DNAH17: variants seen among roughly 807,000 people sequenced by gnomAD.
DNAH17 encodes the protein axonemal beta dynein heavy chain 17.
A neutral mutation model predicts 485.6 loss-of-function variants in DNAH17; 376 were observed. The ratio of observed to expected loss-of-function variants is 0.77; its 90% CI spans 0.71 to 0.84. The LOEUF is 0.84. Ranked by LOEUF, DNAH17 falls within the 40% of genes least tolerant of loss-of-function variation. The pLI, the probability that DNAH17 is intolerant of heterozygous loss-of-function variation, is 0.00. For missense variants in DNAH17, 6,370 were observed against 5,839.3 expected (o/e 1.09, Z -2.96); for synonymous variants, 3,031 against 2,405.9 (o/e 1.26, Z -7.60).
chr17:78,532,765 G>A (rs2143329022), intron 19 of DNAH17, 29 bp from the exon 20 acceptor site: 2 of 1,559,124 alleles, frequency 1.3e-6, no homozygotes, highest in Admixed American at 1.9e-5. Context: ...AAGCAAAAAG[G>A]GGAGGTATGT....
At position 78,450,324 on chromosome 17, in the gene DNAH17, C is replaced by G; in HGVS notation, c.10970G>C (p.Arg3657Thr). Residue 3657 changes from arginine to threonine, a missense_variant, in exon 68 of 81, where the codon AGG (arginine) becomes ACG (threonine). By Grantham distance (71) the Arg-to-Thr change is moderately conservative. Transcript: ENST00000389840. ...ARENYRPAAE[R>T]ASLLYFILND... ...CAGTATGAAGTAGAGCAGAGATGCC[C>G]TCTCCGCAGCCGGGCGGTAGTTCTC... 1 of 1,613,980 alleles carries G rather than the reference C, an allele frequency of 6.2e-7. No individual in the cohort carries two copies. Among genetic ancestry groups the G allele is most frequent in the Non-Finnish European group, 8.5e-7 (1 of 1,179,840 alleles).
At chr17:78,468,510 C>A in intron 55 of DNAH17, 107 bp downstream of exon 55, 4 of 1,380,840 alleles carry the variant, frequency 2.9e-6, no homozygotes, top group Non-Finnish European at 3.9e-6. Context: ...ATTTCACATC[C>A]CATGAAGGAT....
Position 78,502,637 on chromosome 17 carries a change from A to T in DNAH17, c.5144T>A (p.Leu1715Gln), listed in dbSNP as rs773685159. 6.2e-7 allele frequency: 1 copy of T among 1,613,012 alleles called. No individual in the cohort carries two copies. Among genetic ancestry groups the T allele is most frequent in the East Asian group, 2.2e-5 (1 of 44,888 alleles). ...TTEVGLAFAR[L>Q]EEGYENAIRD... Reference sequence around the variant, plus strand: ...GATAGCGTTTTCATAGCCTTCCTCCAGCCTGGCAAATGCCAGGCCCACCTC... The same window carrying T: ...GATAGCGTTTTCATAGCCTTCCTCCTGCCTGGCAAATGCCAGGCCCACCTC... Residue 1715 changes from leucine to glutamine, a missense_variant, in exon 33 of 81, where the codon CTG (leucine) becomes CAG (glutamine). Physicochemically the swap from Leu to Gln is moderately radical, Grantham distance 113. Transcript: ENST00000389840.
chr17:78,453,022 T>G (rs972307440), intron 65 of DNAH17, among the ~76,000 whole-genome samples: 1 of 152,228 alleles, frequency 6.6e-6, no homozygotes. Context: ...GTTATGTGAA[T>G]TTTTAAAGGT....
At chr17:78,545,920 G>A (rs892881096) in intron 16 of DNAH17, among the ~76,000 whole-genome samples, 2 of 151,828 alleles carry the variant, frequency 1.3e-5, no homozygotes, top group African/African-American at 4.8e-5. Context: ...TATTTTATGT[G>A]TATGTATGTA....
rs772538648 is a variant in DNAH17, at chr17:78,537,192, A to AAAG, written c.2859+106_2859+107insCTT. On this transcript the variant is annotated intron_variant, in intron 19 of 80. Transcript: ENST00000389840. ...GATTCCGTCTCAAAAAAAAAAAAAGAAAAAAAGAAAAGGTAAACGGCGAAG... is the reference window on the plus strand; with the variant it reads ...GATTCCGTCTCAAAAAAAAAAAAAGAAAGAAAAAAGAAAAGGTAAACGGCGAAG... 1.0e-4 allele frequency: 129 copies of AAAG among 1,228,592 alleles called. 2 individuals carry two copies. In the South Asian group the frequency reaches 1.9e-3, roughly 18 times the overall value. 76.1% of individuals were successfully genotyped at this position (1,228,592 alleles called of 1,614,324 possible).
At chr17:78,438,792 C>T (rs2086956361) in intron 73 of DNAH17, among the ~76,000 whole-genome samples, 1 of 152,090 alleles carries the variant, frequency 6.6e-6, no homozygotes, top group African/African-American at 2.4e-5. Context: ...AGCCACCGTG[C>T]CCAACCATCT....
rs775984053 is a variant in DNAH17, at chr17:78,507,512, G to A, written c.4530C>T (p.Arg1510=). ...GCTGGGAGTCCCCCGGGAGCTGGGT[G>A]CGGATGTCTTCGGAGCCGATGAAGA... is the stretch of plus-strand genomic sequence containing the variant. ...ESIFIGSEDI[R]TQLPGDSQRF... The change falls in exon 28 of 81, where the codon CGC becomes CGT. Residue 1510 remains arginine, a synonymous_variant. Coordinates refer to ENST00000389840, the MANE Select transcript of DNAH17 (RefSeq NM_173628.4). 49 of 1,613,796 alleles carry A rather than the reference G, an allele frequency of 3.0e-5. No homozygotes were observed. The highest frequency in any genetic ancestry group is 1.7e-4 in the Middle Eastern group (1 of 6,060).
intron 64 of DNAH17, among the ~76,000 whole-genome samples, 200 bp downstream of exon 64, chr17:78,454,270 C>T (rs901729416): frequency 6.6e-6 from 1 of 152,226 alleles, no homozygotes; most frequent in African/African-American, 2.4e-5. Flanking sequence ...GCAGGAGCAG[C>T]AGGTGATGGG....
chr17:78,463,427 TAC>T (rs2088247255), intron 56 of DNAH17, among the ~76,000 whole-genome samples: 1 of 149,650 alleles, frequency 6.7e-6, no homozygotes, highest in African/African-American at 2.5e-5. Context: ...CCTGCATATA[TAC>T]ACGTGCATAC....
chr17:78,487,571 C>G (rs1388508422), intron 44 of DNAH17, among the ~76,000 whole-genome samples: 1 of 152,164 alleles, frequency 6.6e-6, no homozygotes, highest in Non-Finnish European at 1.5e-5. Flanking sequence ...GAGTCTTGCT[C>G]TGTAGTGCAG....
intron 16 of DNAH17, among the ~76,000 whole-genome samples, chr17:78,547,074 C>G (rs977193336): frequency 3.9e-5 from 6 of 152,212 alleles, no homozygotes; most frequent in African/African-American, 1.4e-4. Context: ...ACAAGTATTG[C>G]TTTTGACTTT....
chr17:78,482,504 A>C (rs2089397484), intron 48 of DNAH17, among the ~76,000 whole-genome samples: 1 of 152,040 alleles, frequency 6.6e-6, no homozygotes, highest in South Asian at 2.1e-4. Context: ...CACTGAGCAA[A>C]ATTCCTTAAC....
intron 14 of DNAH17, among the ~76,000 whole-genome samples, chr17:78,553,275 G>GTTT (rs2091943329): frequency 1.0e-5 from 1 of 98,404 alleles, no homozygotes; most frequent in Non-Finnish European, 2.1e-5. Flanking sequence ...CCAGTCCCAG[G>GTTT]TTTTTGTGTT....
chr17:78,558,516 ACATCACCCTCATGGGTGGATG>A (rs1207164468), intron 13 of DNAH17, among the ~76,000 whole-genome samples: 1 of 151,132 alleles, frequency 6.6e-6, no homozygotes, highest in African/African-American at 2.5e-5. Context: ...TGGGTGGATG[ACATCACCCTCATGGGTGGATG>A]ACATCATCAT....
intron 62 of DNAH17, 42 bp downstream of exon 62, chr17:78,458,523 G>C: frequency 6.5e-7 from 1 of 1,539,390 alleles, no homozygotes; most frequent in Non-Finnish European, 9.0e-7. Context: ...CCCTTTCAGG[G>C]GGTCTGAGAG....
At position 78,428,628 on chromosome 17, in the gene DNAH17, C is replaced by T. The variant is rs1431000614; in HGVS notation, c.12485G>A (p.Gly4162Asp). 6.2e-7 allele frequency: 1 copy of T among 1,613,984 alleles called. No individual in the cohort carries two copies. Among genetic ancestry groups the T allele is most frequent in the East Asian group, 2.2e-5 (1 of 44,876 alleles). ...CTTCTCTGAGGTGACCGTCAGAAAG[C>T]CAATCTCTGCGTTGGGGTGCAGGCC... The part of the protein sequence containing the change: ...LYGLHPNAEI[G>D]FLTVTSEKLF... The change falls in exon 77 of 81, where the codon GGC (glycine) becomes GAC (aspartate). Residue 4162 changes from glycine to aspartate, a missense_variant. Coordinates refer to ENST00000389840, the MANE Select transcript of DNAH17 (RefSeq NM_173628.4).
intron 16 of DNAH17, among the ~76,000 whole-genome samples, chr17:78,546,460 G>A (rs8066656): frequency 0.2 from 30,251 of 151,970 alleles, 4,024 homozygotes; most frequent in Non-Finnish European, 0.28. Context: ...CTTTCTCACC[G>A]TTTCCCTTTG....
At chr17:78,474,589 G>A (rs1407290244) in intron 54 of DNAH17, among the ~76,000 whole-genome samples, 2 of 152,082 alleles carry the variant, frequency 1.3e-5, no homozygotes, top group Non-Finnish European at 2.9e-5. Flanking sequence ...CAGTGACCAA[G>A]GGCAGGGATC....
Sources: gnomAD v4.1 joint callset for allele counts (sites outside exome capture counted in the v4.1 genomes callset) on GRCh38, gnomAD v4.1.1 for gene constraint, MANE v1.5 for transcripts, NCBI Gene and HGNC (gene_info 2026-07-23, HGNC 2026-07-21) for gene names.